The following TUBGCP4 variants were observed in gnomAD, a reference collection of about 807,000 sequenced individuals.
TUBGCP4 encodes the protein gamma-tubulin complex component 4.
Under a neutral mutation model 91.6 loss-of-function variants are expected in TUBGCP4, and 54 were observed. That is an observed-to-expected ratio of 0.59 (90% CI 0.47 to 0.74). TUBGCP4 has a LOEUF of 0.74. Ranked by LOEUF, TUBGCP4 falls within the 30% of genes least tolerant of loss-of-function variation. TUBGCP4 has a pLI of 0.00. For missense variants in TUBGCP4, 593 were observed against 800.9 expected (o/e 0.74, Z 3.13); for synonymous variants, 297 against 302.8 (o/e 0.98, Z 0.20).
rs2044987889 is a variant in TUBGCP4, at chr15:43,408,312, T to C, written c.*3098T>C. 2 of 447,428 alleles carry C rather than the reference T, an allele frequency of 4.5e-6. No homozygotes were observed. Among genetic ancestry groups the C allele is most frequent in the African/African-American group, 4.0e-5 (2 of 49,700 alleles). The allele number at this position is 447,428 out of a possible 1,614,324, so 27.7% of individuals were successfully genotyped here. ...GGGCAATGTGGTGAGACCCCATCTC[T>C]ACAAAAGACAACAAAAAAATTAGCT... On this transcript the variant is annotated 3_prime_UTR_variant, in exon 18 of 18. Transcript: ENST00000564079.
chr15:43,405,786 T>A lies in TUBGCP4; in HGVS notation c.*572T>A, dbSNP rs540938440. 2 of 152,626 alleles carry A rather than the reference T, an allele frequency of 1.3e-5. No individual in the cohort carries two copies. The highest frequency in any genetic ancestry group is 4.1e-4 in the South Asian group (2 of 4,826). 9.5% of individuals were successfully genotyped at this position (152,626 alleles called of 1,614,324 possible). On this transcript the variant is annotated 3_prime_UTR_variant, in exon 18 of 18. Coordinates refer to ENST00000564079, the MANE Select transcript of TUBGCP4 (RefSeq NM_014444.5). ...CGGGCATGGTGGCTCACACCTGTAA[T>A]CCCAGCACTTTGGGAGGCCGAGGCG...
chr15:43,395,221 T>G lies in TUBGCP4; in HGVS notation c.1065+64T>G, dbSNP rs566298352. ...GTAGGCAGTGACTTGCATTCTCTGA[T>G]GTTTCCTGAGAGCACTGGTTGCCTA... is the stretch of plus-strand genomic sequence containing the variant. On this transcript the variant is annotated intron_variant, in intron 10 of 17. Transcript: ENST00000564079. 3.7e-5 allele frequency: 59 copies of G among 1,577,452 alleles called. No individual in the cohort carries two copies. The African/African-American group carries it at 7.3e-4, about 19-fold the overall frequency.
chr15:43,402,427 TAAAG>T (rs1354068909), intron 15 of TUBGCP4: 1 of 152,262 alleles, frequency 6.6e-6, no homozygotes, highest in Non-Finnish European at 1.5e-5. Flanking sequence ...CCTCAGGAGT[TAAAG>T]AAACTCAAAA....
In TUBGCP4 at chr15:43,383,381, T is replaced by C. The variant is rs989781405; in HGVS notation, c.600T>C (p.His200=). The part of the protein sequence containing the change: ...WMLHGLLLDQ[H]EEFFIKQGPS... ...TCCATGGACTCCTCTTGGACCAGCA[T>C]GAAGAATTCTTTATCAAACAGGGGC... is the stretch of plus-strand genomic sequence containing the variant. The change falls in exon 7 of 18, where the codon CAT becomes CAC. Residue 200 remains histidine, a synonymous_variant. Coordinates refer to ENST00000564079, the MANE Select transcript of TUBGCP4 (RefSeq NM_014444.5). 2 of 1,614,184 alleles carry C rather than the reference T, an allele frequency of 1.2e-6. No homozygotes were observed. The highest frequency in any genetic ancestry group is 1.3e-5 in the African/African-American group (1 of 75,048).
rs2044931516 is a variant in TUBGCP4 at position 43,407,252 on chromosome 15, A to G, written c.*2038A>G. 2 of 749,800 alleles carry G rather than the reference A, an allele frequency of 2.7e-6. No individual in the cohort carries two copies. Among genetic ancestry groups the G allele is most frequent in the African/African-American group, 3.5e-5 (2 of 56,658 alleles). The allele number at this position is 749,800 out of a possible 1,614,324, so 46.4% of individuals were successfully genotyped here. A position where few individuals can be genotyped will look rare whatever the true frequency, so the allele number is the denominator to read the frequency against. ...AGAGATTCAACATTTATTTTATCAT[A>G]AAAGTTCAGCAAATAAAACTATATA... On this transcript the variant is annotated 3_prime_UTR_variant, in exon 18 of 18. Coordinates refer to ENST00000564079, the MANE Select transcript of TUBGCP4 (RefSeq NM_014444.5).
rs1230231005 is a variant in TUBGCP4, at chr15:43,403,545, G to T, written c.1732-138G>T. 8 of 641,578 alleles carry T rather than the reference G, an allele frequency of 1.2e-5. No homozygotes were observed. The African/African-American group carries it at 1.3e-4, about 10-fold the overall frequency. 39.7% of individuals were successfully genotyped at this position (641,578 alleles called of 1,614,324 possible). On this transcript the variant is annotated intron_variant, in intron 15 of 17. Coordinates refer to ENST00000564079, the MANE Select transcript of TUBGCP4 (RefSeq NM_014444.5). ...TCTGAGGGGCTGGCAGGCCTTGCAC[G>T]TGGCAGTGTCTATCCTGTCAGATTT...
rs1170942103 is a variant in TUBGCP4 at position 43,380,124 on chromosome 15, G to A, written c.482G>A (p.Ser161Asn). ...ATCCTGGAAACAGTCTACAAACACA[G>A]CTGTGGGGGGTTGCCTCCTGTTCGA... The part of the protein sequence containing the change: ...CQILETVYKH[S>N]CGGLPPVRSA... The change falls in exon 6 of 18, where the codon AGC becomes AAC. Residue 161 changes from serine (S) to asparagine (N), a missense_variant. Ser to Asn is a conservative substitution (Grantham distance 46, BLOSUM62 1). Coordinates refer to ENST00000564079, the MANE Select transcript of TUBGCP4 (RefSeq NM_014444.5). The A allele has an allele frequency of 6.2e-7, 1 of 1,614,020 alleles. No individual in the cohort carries two copies. The highest frequency in any genetic ancestry group is 8.5e-7 in the Non-Finnish European group (1 of 1,179,970).
At chr15:43,401,508 G>C (rs1003217180) in intron 14 of TUBGCP4, among the ~76,000 whole-genome samples, 5 of 151,780 alleles carry the variant, frequency 3.3e-5, no homozygotes, top group Non-Finnish European at 5.9e-5. Flanking sequence ...GGTCAGCCAG[G>C]ACGTTGGAGG....
rs1437219859 is a variant in TUBGCP4 at position 43,408,970 on chromosome 15, T to C, written c.*3756T>C. 1 of 1,614,212 alleles carries C rather than the reference T, an allele frequency of 6.2e-7. No homozygotes were observed. On this transcript the variant is annotated 3_prime_UTR_variant, in exon 18 of 18. Transcript: ENST00000564079. ...TAATTACGGTAGTTCTGGAGCTGGT[T>C]GGCATGGCAACTATCATGGACCCAG...
intron 16 of TUBGCP4, chr15:43,404,187 T>C (rs977227575): frequency 1.6e-5 from 9 of 555,814 alleles, no homozygotes; most frequent in Non-Finnish European, 2.5e-5. Context: ...GGAAACCAGC[T>C]ACTAAATTCC....
intron 14 of TUBGCP4, among the ~76,000 whole-genome samples, chr15:43,400,633 C>T (rs938917746): frequency 2.0e-5 from 3 of 152,050 alleles, no homozygotes; most frequent in African/African-American, 7.2e-5. Flanking sequence ...CTCCTGGCTT[C>T]AGCGAGGTGT....
chr15:43,371,305 G>C lies in TUBGCP4; in HGVS notation c.-50G>C. On this transcript the variant is annotated 5_prime_UTR_variant, in exon 1 of 18. Coordinates refer to ENST00000564079, the MANE Select transcript of TUBGCP4 (RefSeq NM_014444.5). The stretch of plus-strand genomic sequence containing the variant: ...ACTCCCCTCGTGGTCGCCTGGAGGT[G>C]CGCTGGAGGAGGGGGTGACATAACC... The C allele has an allele frequency of 6.3e-7, 1 of 1,584,540 alleles. No individual in the cohort carries two copies. The highest frequency in any genetic ancestry group is 8.6e-7 in the Non-Finnish European group (1 of 1,160,396).
Position 43,376,179 on chromosome 15 carries a change from C to A in TUBGCP4, c.160C>A (p.Arg54Ser), listed in dbSNP as rs542122190. ...CTGCCGGCTCGGCACAGACTATATT[C>A]GCTTCACTGAGTTCATTGAACAGTA... ...RLCRLGTDYIRFTEFIEQYTG... is the reference protein window; with the variant it reads ...RLCRLGTDYISFTEFIEQYTG... Residue 54 changes from arginine to serine, a missense_variant, in exon 2 of 18, where the codon CGC becomes AGC. Arg to Ser is a moderately radical substitution (Grantham distance 110, BLOSUM62 -1). Transcript: ENST00000564079. 6.2e-7 allele frequency: 1 copy of A among 1,614,118 alleles called. No individual in the cohort carries two copies. The highest frequency in any genetic ancestry group is 8.5e-7 in the Non-Finnish European group (1 of 1,180,026).
In TUBGCP4 at chr15:43,406,095, GA is replaced by G. The variant is rs2044865109; in HGVS notation, c.*887del. 8.1e-6 allele frequency: 1 copy of G among 123,780 alleles called. No homozygotes were observed. The allele number at this position is 123,780 out of a possible 1,614,324, so 7.7% of individuals were successfully genotyped here. On this transcript the variant is annotated 3_prime_UTR_variant, in exon 18 of 18. Transcript: ENST00000564079. The stretch of plus-strand genomic sequence containing the variant: ...TATTCTCCAAGAAAAAGGTCCTTAA[GA>G]AAAAATTGAGATCAAGTTGTTAGAT...
Position 43,401,935 on chromosome 15 carries a change from A to G in TUBGCP4, c.1731+85A>G. Reference sequence around the variant, plus strand: ...GTTTGAGTTGACAGGATACGAAACCATCATTAAGCAATTATTCAAGTCCAT... The same window carrying G: ...GTTTGAGTTGACAGGATACGAAACCGTCATTAAGCAATTATTCAAGTCCAT... On this transcript the variant is annotated intron_variant, in intron 15 of 17. Transcript: ENST00000564079. The G allele has an allele frequency of 1.3e-6, 2 of 1,503,748 alleles. 1 individual carries two copies. Among genetic ancestry groups the G allele is most frequent in the Middle Eastern group, 3.5e-4 (2 of 5,672 alleles). The allele number at this position is 1,503,748 out of a possible 1,614,324, so 93.2% of individuals were successfully genotyped here.
chr15:43,377,811 G>T, intron 4 of TUBGCP4, 36 bp from the exon 5 acceptor site: 2 of 1,520,906 alleles, frequency 1.3e-6, no homozygotes, highest in South Asian at 2.4e-5. Flanking sequence ...CCTTACATTT[G>T]ATTACATACC....
chr15:43,409,320 T>C lies in TUBGCP4; in HGVS notation c.*4106T>C. 1 of 590,862 alleles carries C rather than the reference T, an allele frequency of 1.7e-6. No individual in the cohort carries two copies. The highest frequency in any genetic ancestry group is 3.0e-6 in the Non-Finnish European group (1 of 333,482). 36.6% of individuals were successfully genotyped at this position (590,862 alleles called of 1,614,324 possible). ...TGCAGCATACTGAGGACCTAAATCC[T>C]CAACGGACAACCAAAACCTATGAAC... On this transcript the variant is annotated 3_prime_UTR_variant, in exon 18 of 18. Transcript: ENST00000564079.
chr15:43,404,118 T>C (rs2044774251), intron 16 of TUBGCP4: 2 of 514,062 alleles, frequency 3.9e-6, no homozygotes, highest in Non-Finnish European at 6.9e-6. Context: ...GAGATAATTA[T>C]CTGCTTGTAA....
intron 7 of TUBGCP4, among the ~76,000 whole-genome samples, chr15:43,385,160 G>A (rs1285348646): frequency 6.6e-6 from 1 of 152,128 alleles, no homozygotes; most frequent in African/African-American, 2.4e-5. Context: ...CTGAGCCTGG[G>A]GCTCATGAGA....
Sources: allele counts gnomAD v4.1 joint callset (sites outside exome capture counted in the v4.1 genomes callset), GRCh38; gene constraint gnomAD v4.1.1; transcripts MANE v1.5; gene names NCBI Gene and HGNC (gene_info 2026-07-23, HGNC 2026-07-21).